Variants in ANKS3 observed in about 807,000 individuals in gnomAD.
ANKS3 encodes ankyrin repeat and sterile alpha motif domain containing 3.
A neutral mutation model predicts 80.7 loss-of-function variants in ANKS3; 62 were observed. The observed-to-expected ratio is 0.77, with a 90% CI of 0.63 to 0.95. The LOEUF (loss-of-function observed/expected upper bound fraction) is 0.95. Ranked by LOEUF, ANKS3 falls within the 40% of genes least tolerant of loss-of-function variation. The probability of loss-of-function intolerance (pLI) is 0.00; values close to 1 mark genes in which losing one functional copy is unlikely to be tolerated. For synonymous variants in ANKS3, 489 were observed against 355.3 expected (o/e 1.38, Z -4.23); for missense variants, 1,150 against 883.6 (o/e 1.30, Z -3.82).
intron 6 of ANKS3, among the ~76,000 whole-genome samples, chr16:4,716,744 G>C (rs1452733602): frequency 6.6e-6 from 1 of 151,618 alleles, no homozygotes; most frequent in Non-Finnish European, 1.5e-5. Context: ...GTGAAACCCC[G>C]TCTCTACTAA....
intron 6 of ANKS3, among the ~76,000 whole-genome samples, chr16:4,723,711 C>G (rs1022862056): frequency 3.9e-5 from 6 of 152,184 alleles, no homozygotes; most frequent in Non-Finnish European, 7.3e-5. Context: ...AGTAGATGGA[C>G]TTGTGGGTTT....
At chr16:4,698,624 G>A (rs752343763) in intron 13 of ANKS3, 25 bp from the exon 14 acceptor site, 4 of 1,537,882 alleles carry the variant, frequency 2.6e-6, no homozygotes, top group Admixed American at 3.8e-5. Context: ...GGGGCGCGGG[G>A]AGGCTGGGAG....
At position 4,700,853 on chromosome 16, in the gene ANKS3, C is replaced by T. The variant is rs1411523402; in HGVS notation, c.1284+117G>A. 8.1e-6 allele frequency: 11 copies of T among 1,360,702 alleles called. No individual in the cohort carries two copies. In the Admixed American group the frequency reaches 1.8e-4, roughly 23 times the overall value. 84.3% of individuals were successfully genotyped at this position (1,360,702 alleles called of 1,614,324 possible). On this transcript the variant is annotated intron_variant, in intron 11 of 17. Transcript: ENST00000304283. ...TGGAGCCTAACAGGCCATGGGGATGCCACCGCCATTCTGTTCTCCTAGCAG... is the reference window on the plus strand; with the variant it reads ...TGGAGCCTAACAGGCCATGGGGATGTCACCGCCATTCTGTTCTCCTAGCAG...
At position 4,704,543 on chromosome 16, in the gene ANKS3, G is replaced by A. The variant is rs973941679; in HGVS notation, c.868+552C>T. 3.9e-5 allele frequency among the ~76,000 whole-genome samples: 6 copies of A among 152,196 alleles called. No homozygotes were observed. In the South Asian group the frequency reaches 1.2e-3, roughly 31 times the overall value. ...CCAAGAGCAAAACGCTCAACACCCT[G>A]GGGCTGGGAATCTGAGAATGAACGA... On this transcript the variant is annotated intron_variant, in intron 8 of 17. Coordinates refer to ENST00000304283, the MANE Select transcript of ANKS3 (RefSeq NM_133450.4).
At chr16:4,727,712 G>C (rs977290188) in intron 3 of ANKS3, 5 of 156,570 alleles carry the variant, frequency 3.2e-5, no homozygotes, top group Non-Finnish European at 7.1e-5. Context: ...ACTCCACCGT[G>C]GACAAGTCCC....
chr16:4,697,987 G>C lies in ANKS3; in HGVS notation c.1800C>G (p.Val600=), dbSNP rs762630154. ...PPGAATLGLA[V]PPADSKGWQA... Reference sequence around the variant, plus strand: ...GGCCACTGCTCTTACCAGCTGGGGGGACGGCTAGGCCCAGAGTGGCTGCAC... The same window carrying C: ...GGCCACTGCTCTTACCAGCTGGGGGCACGGCTAGGCCCAGAGTGGCTGCAC... The change falls in exon 15 of 18, where the codon GTC becomes GTG. Residue 600 remains valine (V), a synonymous_variant. Transcript: ENST00000304283. 1 of 1,595,150 alleles carries C rather than the reference G, an allele frequency of 6.3e-7. No individual in the cohort carries two copies. Among genetic ancestry groups the C allele is most frequent in the East Asian group, 2.2e-5 (1 of 44,606 alleles).
chr16:4,718,502 T>C (rs966806632), intron 6 of ANKS3, among the ~76,000 whole-genome samples: 1 of 152,194 alleles, frequency 6.6e-6, no homozygotes, highest in Non-Finnish European at 1.5e-5. Context: ...CCACAGCCCT[T>C]TCCTCCCCTA....
intron 6 of ANKS3, among the ~76,000 whole-genome samples, chr16:4,722,908 A>G (rs1319464530): frequency 6.6e-6 from 1 of 151,686 alleles, no homozygotes; most frequent in East Asian, 1.9e-4. Flanking sequence ...CCTGGGCGAC[A>G]CAGCACAAGA....
chr16:4,700,571 G>A (rs141603924), intron 11 of ANKS3: 4,068 of 359,096 alleles, frequency 0.011, 46 homozygotes, highest in Non-Finnish European at 0.015. Flanking sequence ...GTGGTCAGAG[G>A]GACCACAGAA....
Position 4,730,072 on chromosome 16 carries a change from T to C in ANKS3, c.78A>G (p.Thr26=), listed in dbSNP as rs1269119972. 2.5e-6 allele frequency: 4 copies of C among 1,595,490 alleles called. No homozygotes were observed. The East Asian group carries it at 6.9e-5, about 28-fold the overall frequency. The change falls in exon 3 of 18, where the codon ACA becomes ACG. Residue 26 remains threonine (T), a synonymous_variant. Transcript: ENST00000304283. ...CATCCAGCTCCTCCCCGCTGACCTGTGTCCCGAGCCCGTGCCACATGGACA... is the reference window on the plus strand; with the variant it reads ...CATCCAGCTCCTCCCCGCTGACCTGCGTCCCGAGCCCGTGCCACATGGACA... ...RSLSMWHGLG[T]QVSGEELDVP... is the part of the protein sequence containing the mutation.
chr16:4,702,347 C>G (rs374274866), intron 8 of ANKS3, 105 bp from the exon 9 acceptor site: 2 of 1,207,262 alleles, frequency 1.7e-6, no homozygotes, highest in African/African-American at 3.2e-5. Flanking sequence ...CATGACCTCA[C>G]CTACTTGCCC....
intron 3 of ANKS3, 84 bp from the exon 4 acceptor site, chr16:4,727,261 C>T (rs576419377): frequency 2.7e-5 from 39 of 1,419,526 alleles, no homozygotes; most frequent in Non-Finnish European, 3.1e-5. Context: ...CTAGGCCAGG[C>T]GGGATGAGTT....
chr16:4,711,498 C>T (rs1366004616), intron 7 of ANKS3, among the ~76,000 whole-genome samples: 1 of 151,622 alleles, frequency 6.6e-6, no homozygotes, highest in Non-Finnish European at 1.5e-5. Flanking sequence ...GTGGGCAGAC[C>T]ACCTGAGGTC....
At position 4,724,758 on chromosome 16, in the gene ANKS3, G is replaced by C. The variant is rs2142143394; in HGVS notation, c.565C>G (p.Leu189Val). 6.2e-7 allele frequency: 1 copy of C among 1,613,078 alleles called. No individual in the cohort carries two copies. The highest frequency in any genetic ancestry group is 8.5e-7 in the Non-Finnish European group (1 of 1,179,580). Reference sequence around the variant, plus strand: ...TAATCAGGGTCACTTACGTGATTCAGAAAATACTGCACGATTATCTCATGG... The same window carrying C: ...TAATCAGGGTCACTTACGTGATTCACAAAATACTGCACGATTATCTCATGG... ...AGHEIIVQYFLNHGVKVDARD... is the reference protein window; with the variant it reads ...AGHEIIVQYFVNHGVKVDARD... The change falls in exon 6 of 18, where the codon CTG becomes GTG. Residue 189 changes from leucine to valine, a missense_variant. Leu to Val is a conservative substitution (Grantham distance 32). Coordinates refer to ENST00000304283, the MANE Select transcript of ANKS3 (RefSeq NM_133450.4).
intron 6 of ANKS3, among the ~76,000 whole-genome samples, chr16:4,722,838 A>T (rs1378140830): frequency 6.6e-6 from 1 of 151,524 alleles, no homozygotes; most frequent in African/African-American, 2.4e-5. Flanking sequence ...GAACTGCTTG[A>T]ACTTGGGAGG....
At chr16:4,732,644 A>C (rs1366927165) in intron 1 of ANKS3, among the ~76,000 whole-genome samples, 1 of 136,824 alleles carries the variant, frequency 7.3e-6, no homozygotes, top group Non-Finnish European at 1.5e-5. Flanking sequence ...AAGCCACTGC[A>C]CTCCAGCCTG....
intron 14 of ANKS3, 56 bp downstream of exon 14, chr16:4,698,371 G>A: frequency 2.1e-6 from 3 of 1,435,512 alleles, no homozygotes; most frequent in East Asian, 2.6e-5. Flanking sequence ...TGGGGGCCCA[G>A]GGGCCAGGTG....
At chr16:4,717,359 G>C (rs953361647) in intron 6 of ANKS3, 1 of 152,140 alleles carries the variant, frequency 6.6e-6, no homozygotes, top group Non-Finnish European at 1.5e-5. Flanking sequence ...GACCAGCCTG[G>C]CCAACAACCA....
chr16:4,718,625 G>A (rs2080931454), intron 6 of ANKS3, among the ~76,000 whole-genome samples: 1 of 152,250 alleles, frequency 6.6e-6, no homozygotes, highest in Admixed American at 6.5e-5. Context: ...GGCTCCAGGT[G>A]GTCTAACTAC....
Sources: allele counts gnomAD v4.1 joint callset (sites outside exome capture counted in the v4.1 genomes callset), GRCh38; gene constraint gnomAD v4.1.1; transcripts MANE v1.5; gene names NCBI Gene and HGNC (gene_info 2026-07-23, HGNC 2026-07-21).